Variants in PSD4 observed in about 807,000 individuals in gnomAD.
PSD4 encodes PH and SEC7 domain-containing protein 4.
PSD4 carries 59 observed loss-of-function variants against 112.5 expected under a neutral mutation model. That is an observed-to-expected ratio of 0.52 (90% CI 0.43 to 0.65). The LOEUF is 0.65. PSD4 is among the 30% of genes least tolerant of loss of function. The pLI is 0.00. For missense variants in PSD4, 1,267 were observed against 1,352.6 expected (o/e 0.94, Z 0.99); for synonymous variants, 533 against 540.0 (o/e 0.99, Z 0.18).
Position 113,193,252 on chromosome 2 carries a change from T to C in PSD4, c.1920-6T>C. The C allele has an allele frequency of 1.9e-6, 3 of 1,579,556 alleles. No individual in the cohort carries two copies. The highest frequency in any genetic ancestry group is 2.6e-6 in the Non-Finnish European group (3 of 1,164,212). ...CTCTCTCCTTGACCCTGGCCCTCCTTTGCAGGAGCTTCCTCCAGGCCTTGG... is the reference window on the plus strand; with the variant it reads ...CTCTCTCCTTGACCCTGGCCCTCCTCTGCAGGAGCTTCCTCCAGGCCTTGG... On this transcript the variant is annotated splice_region_variant and splice_polypyrimidine_tract_variant and intron_variant, in intron 7 of 16. Coordinates refer to ENST00000245796, the MANE Select transcript of PSD4 (RefSeq NM_012455.3).
intron 5 of PSD4, among the ~76,000 whole-genome samples, chr2:113,186,534 G>T (rs912894243): frequency 6.6e-6 from 1 of 152,240 alleles, no homozygotes; most frequent in Non-Finnish European, 1.5e-5. Flanking sequence ...GACCAGGAGA[G>T]GAGGAAGGGG....
At chr2:113,180,290 C>G (rs1375378507) in intron 1 of PSD4, among the ~76,000 whole-genome samples, 1 of 152,210 alleles carries the variant, frequency 6.6e-6, no homozygotes, top group Non-Finnish European at 1.5e-5. Flanking sequence ...TGCTAAGGAA[C>G]TTTCCAGGCT....
rs1688164669 is a variant in PSD4 at position 113,182,484 on chromosome 2, C to A, written c.28C>A (p.His10Asn). ...GATGGGTGACTACAGACTCCCTGAC[C>A]ACCCCCAGCCCATGGAAATTCTCAA... is the stretch of plus-strand genomic sequence containing the variant. MMGDYRLPD[H>N]PQPMEILNLY... Residue 10 changes from histidine (H) to asparagine (N), a missense_variant, in exon 2 of 17, where the codon CAC becomes AAC. His to Asn is a moderately conservative substitution (Grantham distance 68). Transcript: ENST00000245796. The A allele has an allele frequency of 6.2e-7, 1 of 1,612,608 alleles. No individual in the cohort carries two copies. Among genetic ancestry groups the A allele is most frequent in the East Asian group, 2.2e-5 (1 of 44,840 alleles).
chr2:113,182,375 G>A lies in PSD4; in HGVS notation c.-82G>A, dbSNP rs1309438375. 45 of 1,315,202 alleles carry A rather than the reference G, an allele frequency of 3.4e-5. No individual in the cohort carries two copies. The highest frequency in any genetic ancestry group is 4.3e-5 in the Non-Finnish European group (41 of 951,032). 81.5% of individuals were successfully genotyped at this position (1,315,202 alleles called of 1,614,324 possible). A position where few individuals can be genotyped will look rare whatever the true frequency, so the allele number is the denominator to read the frequency against. On this transcript the variant is annotated 5_prime_UTR_variant, in exon 2 of 17. Transcript: ENST00000245796. ...GATATGGATTCCCAGTTTCTCCAGCGGCCAGTGCTCCCCCTAGTCCACACA... is the reference window on the plus strand; with the variant it reads ...GATATGGATTCCCAGTTTCTCCAGCAGCCAGTGCTCCCCCTAGTCCACACA...
At chr2:113,198,591 C>G (rs1688677118) in intron 14 of PSD4, 149 bp from the exon 15 acceptor site, 2 of 928,204 alleles carry the variant, frequency 2.2e-6, no homozygotes, top group African/African-American at 1.7e-5. Context: ...GGTCAGAGGT[C>G]GGGTGCCCGG....
chr2:113,185,657 T>C, intron 4 of PSD4: 1 of 1,547,544 alleles, frequency 6.5e-7, no homozygotes, highest in South Asian at 1.2e-5. Context: ...GTCTTAATGG[T>C]TTAGCAAAGG....
At chr2:113,191,139 T>G (rs757607648) in intron 5 of PSD4, among the ~76,000 whole-genome samples, 1 of 152,240 alleles carries the variant, frequency 6.6e-6, no homozygotes, top group Non-Finnish European at 1.5e-5. Context: ...CTGGCACTGA[T>G]TGACATTCTG....
At chr2:113,199,041 G>A (rs1420176574) in intron 15 of PSD4, 42 bp from the exon 16 acceptor site, 5 of 1,511,192 alleles carry the variant, frequency 3.3e-6, no homozygotes, top group Admixed American at 2.2e-5. Context: ...AGCGGCGGAG[G>A]GGACGCCCGG....
rs1422450342 is a variant in PSD4, at chr2:113,193,113, T to A, written c.1904T>A (p.Leu635Gln). The change falls in exon 7 of 17, where the codon CTG (leucine) becomes CAG (glutamine). Residue 635 changes from leucine to glutamine, a missense_variant. Physicochemically the swap from Leu to Gln is moderately radical, Grantham distance 113 (BLOSUM62 -2). Transcript: ENST00000245796. ...LSFFQFGGQS[L>Q]DRALRSFLQA... The stretch of plus-strand genomic sequence containing the variant: ...TTCTTCCAGTTTGGAGGCCAGAGTC[T>A]GGACCGAGCCCTCCGGTAATGTCTT... 1.9e-6 allele frequency: 3 copies of A among 1,614,090 alleles called. No homozygotes were observed. Among genetic ancestry groups the A allele is most frequent in the Non-Finnish European group, 2.5e-6 (3 of 1,179,920 alleles).
intron 14 of PSD4, chr2:113,198,133 C>A (rs1024083013): frequency 5.4e-6 from 3 of 552,776 alleles, no homozygotes; most frequent in African/African-American, 3.8e-5. Context: ...GCCAACTTTG[C>A]CAGCACAGTA....
intron 1 of PSD4, 47 bp from the exon 2 acceptor site, chr2:113,182,299 A>G (rs966489965): frequency 2.9e-5 from 20 of 680,256 alleles, no homozygotes; most frequent in Middle Eastern, 3.9e-4. Flanking sequence ...GTGCCTCCAG[A>G]GGCTGACAGC....
rs751001000 is a variant in PSD4 at position 113,197,758 on chromosome 2, C to A, written c.2469C>A (p.Asp823Glu). The change falls in exon 14 of 17, where the codon GAC (aspartate) becomes GAA (glutamate). Residue 823 changes from aspartate to glutamate, a missense_variant. Asp to Glu is a conservative substitution (Grantham distance 45). This residue lies in a region of PSD4 where 544 missense variants were observed against 648.6 expected (regional missense o/e 0.84). Coordinates refer to ENST00000245796, the MANE Select transcript of PSD4 (RefSeq NM_012455.3). ...MVLYFLKQGEDHCLEGESLVG... is the reference protein window; with the variant it reads ...MVLYFLKQGEEHCLEGESLVG... ...CCTGTGACTGGTAGCAGGGAGAAGA[C>A]CACTGTCTGGAGGGGGAGAGCTTGG... The A allele has an allele frequency of 1.2e-5, 19 of 1,608,882 alleles. No individual in the cohort carries two copies. In the Admixed American group the frequency reaches 3.0e-4, roughly 25 times the overall value.
Position 113,193,906 on chromosome 2 carries a change from T to C in PSD4, c.2139T>C (p.Asn713=). The C allele has an allele frequency of 6.2e-7, 1 of 1,614,108 alleles. No individual in the cohort carries two copies. The highest frequency in any genetic ancestry group is 8.5e-7 in the Non-Finnish European group (1 of 1,180,010). Residue 713 remains asparagine, a synonymous_variant, in exon 10 of 17, where the codon AAT becomes AAC. Coordinates refer to ENST00000245796, the MANE Select transcript of PSD4 (RefSeq NM_012455.3). ...GCCAGGAATTCATAACCAACCTGAA[T>C]GGGCTGAGGGATGGCGGGAACTTCC... ...MSCQEFITNL[N]GLRDGGNFPK... is the part of the protein sequence containing the mutation.
At chr2:113,197,528 C>T in intron 12 of PSD4, 36 bp from the exon 13 acceptor site, 1 of 1,612,476 alleles carries the variant, frequency 6.2e-7, no homozygotes, top group Non-Finnish European at 8.5e-7. Context: ...TGCTGGTGCC[C>T]CCACCTACAA....
In PSD4 at chr2:113,199,144, TAC is replaced by T; in HGVS notation, c.2833_2834del (p.Gln945GlufsTer46). ...GCTGCCGCGGACGACCTGCTGGATC[TAC>T]AGAGGAACCTGCCGGAGCGGCGGGG... On this transcript the variant is annotated frameshift_variant, in exon 16 of 17. Coordinates refer to ENST00000245796, the MANE Select transcript of PSD4 (RefSeq NM_012455.3). LOFTEE classifies it high-confidence loss of function. 6.5e-7 allele frequency: 1 copy of T among 1,530,330 alleles called. No individual in the cohort carries two copies. The highest frequency in any genetic ancestry group is 1.2e-5 in the South Asian group (1 of 82,640). 94.8% of individuals were successfully genotyped at this position (1,530,330 alleles called of 1,614,324 possible). A position where few individuals can be genotyped will look rare whatever the true frequency, so the allele number is the denominator to read the frequency against.
chr2:113,185,340 G>A, intron 3 of PSD4, 25 bp from the exon 4 acceptor site: 1 of 1,613,866 alleles, frequency 6.2e-7, no homozygotes, highest in East Asian at 2.2e-5. Context: ...AGGGCTCATG[G>A]GAATGCCTTT....
rs1688295280 is a variant in PSD4, at chr2:113,186,168, C to T, written c.1541C>T (p.Pro514Leu). The T allele has an allele frequency of 6.2e-7, 1 of 1,613,994 alleles. No homozygotes were observed. Among genetic ancestry groups the T allele is most frequent in the Non-Finnish European group, 8.5e-7 (1 of 1,180,040 alleles). ...AAGGAGGCAGGGGAGGCCCCAAAAC[C>T]AGGCGAGGAAGTAAAGAGTGAAGGA... ...KKKEAGEAPK[P>L]GEEVKSEGTA... is the part of the protein sequence containing the mutation. Residue 514 changes from proline (P) to leucine (L), a missense_variant, in exon 5 of 17, where the codon CCA becomes CTA. Physicochemically the swap from Pro to Leu is moderately conservative, Grantham distance 98. Around this residue, in one of 2 missense-constraint regions of PSD4, gnomAD observed 723 missense variants for 704.0 expected, o/e 1.03. Transcript: ENST00000245796.
At chr2:113,199,301 A>C in intron 16 of PSD4, 75 bp downstream of exon 16, 1 of 1,355,270 alleles carries the variant, frequency 7.4e-7, no homozygotes, top group Non-Finnish European at 9.4e-7. Flanking sequence ...CGGTCCCTGC[A>C]GCCGTCACTG....
intron 14 of PSD4, 53 bp from the exon 15 acceptor site, chr2:113,198,687 G>T: frequency 6.7e-7 from 1 of 1,490,948 alleles, no homozygotes; most frequent in Non-Finnish European, 8.9e-7. Flanking sequence ...GCGGGAGGAG[G>T]GTGACAGGAC....
Sources: allele counts gnomAD v4.1 joint callset (sites outside exome capture counted in the v4.1 genomes callset), GRCh38; gene constraint gnomAD v4.1.1; regional missense constraint gnomAD v4.1.1; transcripts MANE v1.5; gene names NCBI Gene and HGNC (gene_info 2026-07-23, HGNC 2026-07-21).